The following DIP2B variants were observed in gnomAD, a reference collection of about 807,000 sequenced individuals.
DIP2B encodes disco-interacting protein 2 homolog B.
DIP2B carries 76 observed loss-of-function variants against 198.0 expected under a neutral mutation model. That is an observed-to-expected ratio of 0.38 (90% CI 0.32 to 0.46). DIP2B has a LOEUF of 0.46. DIP2B is among the 20% of genes least tolerant of loss of function. The probability of loss-of-function intolerance (pLI) is 0.99; values close to 1 mark genes in which losing one functional copy is unlikely to be tolerated. For missense variants in DIP2B, 1,559 were observed against 1,978.4 expected (o/e 0.79, Z 4.02); for synonymous variants, 701 against 739.1 (o/e 0.95, Z 0.84).
intron 1 of DIP2B, among the ~76,000 whole-genome samples, chr12:50,529,858 C>G (rs1958199974): frequency 1.4e-5 from 2 of 146,792 alleles, no homozygotes; most frequent in Admixed American, 1.4e-4. Flanking sequence ...GCCTCTGTCT[C>G]AAAAAAAGAA....
intron 23 of DIP2B, among the ~76,000 whole-genome samples, chr12:50,716,150 A>G (rs748246798): frequency 1.3e-5 from 2 of 152,314 alleles, no homozygotes; most frequent in East Asian, 3.9e-4. Context: ...CACAGTTTAC[A>G]TAAATACACT....
intron 23 of DIP2B, among the ~76,000 whole-genome samples, chr12:50,715,203 G>A (rs1303714828): frequency 6.6e-6 from 1 of 152,124 alleles, no homozygotes; most frequent in Non-Finnish European, 1.5e-5. Context: ...TTTTTGCTCT[G>A]GTGTTTTGTC....
Position 50,741,478 on chromosome 12 carries a change from C to T in DIP2B, c.4417C>T (p.Arg1473Ter), listed in dbSNP as rs901956652. The T allele has an allele frequency of 1.2e-6, 2 of 1,614,136 alleles. No individual in the cohort carries two copies. Among genetic ancestry groups the T allele is most frequent in the Non-Finnish European group, 1.7e-6 (2 of 1,180,008 alleles). ...TGAAACACTGGAGCTGAGAGGATTA[C>T]GATACCACCCAATTGATATTGAGAC... ...LDETLELRGL[R>*]YHPIDIETSV... The change falls in exon 37 of 38, where the codon CGA (arginine) becomes TGA (stop). Residue 1473 changes from arginine to a stop codon, truncating the protein, a stop_gained. Transcript: ENST00000301180. LOFTEE classifies it high-confidence loss of function.
At chr12:50,617,557 C>G (rs960687964) in intron 1 of DIP2B, among the ~76,000 whole-genome samples, 20 of 151,892 alleles carry the variant, frequency 1.3e-4, no homozygotes, top group Non-Finnish European at 4.4e-5. Flanking sequence ...GCCTATATTC[C>G]CAGCACTTTG....
chr12:50,584,877 C>G (rs890007407), intron 1 of DIP2B, among the ~76,000 whole-genome samples: 2 of 152,146 alleles, frequency 1.3e-5, no homozygotes, highest in African/African-American at 4.8e-5. Context: ...AATGTTTAAC[C>G]ATATCATCTA....
chr12:50,681,313 G>A (rs1296616390), intron 9 of DIP2B, among the ~76,000 whole-genome samples: 2 of 151,860 alleles, frequency 1.3e-5, no homozygotes, highest in Admixed American at 6.6e-5. Context: ...GCATGCACCT[G>A]TAGTCCCAGC....
chr12:50,608,581 G>A (rs1482389096), intron 1 of DIP2B, among the ~76,000 whole-genome samples: 7 of 149,678 alleles, frequency 4.7e-5, no homozygotes, highest in Non-Finnish European at 8.9e-5. Context: ...AGCTGAGTTC[G>A]TGCCACTACA....
At chr12:50,564,844 G>T (rs1342610860) in intron 1 of DIP2B, among the ~76,000 whole-genome samples, 1 of 152,154 alleles carries the variant, frequency 6.6e-6, no homozygotes, top group Non-Finnish European at 1.5e-5. Context: ...CTGGAAATAT[G>T]AAGATATTCT....
intron 35 of DIP2B, 79 bp from the exon 36 acceptor site, chr12:50,739,330 A>T: frequency 6.7e-7 from 1 of 1,500,116 alleles, no homozygotes; most frequent in African/African-American, 1.4e-5. Flanking sequence ...AGATTTAAAA[A>T]ATCAAAATAA....
intron 1 of DIP2B, among the ~76,000 whole-genome samples, chr12:50,596,036 C>T (rs971902311): frequency 2.6e-5 from 4 of 152,106 alleles, no homozygotes; most frequent in African/African-American, 7.2e-5. Context: ...CATACTTTGC[C>T]AATAGGTGCT....
In DIP2B at chr12:50,720,883, C is replaced by T. The variant is rs564287654; in HGVS notation, c.3043-390C>T. ...TTTTTGAGACAGAATCTCGCTCTGTCGCCCAGGCATTGGCTCAAGTGATCC... is the reference window on the plus strand; with the variant it reads ...TTTTTGAGACAGAATCTCGCTCTGTTGCCCAGGCATTGGCTCAAGTGATCC... On this transcript the variant is annotated intron_variant, in intron 25 of 37. Transcript: ENST00000301180. Among the ~76,000 whole-genome samples, 7 of 152,320 alleles carry T rather than the reference C, an allele frequency of 4.6e-5. No individual in the cohort carries two copies. The East Asian group carries it at 9.6e-4, about 21-fold the overall frequency.
At chr12:50,702,260 G>GGCTTGAACCCGGGAGGTGAAACTT (rs1939431324) in intron 19 of DIP2B, among the ~76,000 whole-genome samples, 1 of 152,020 alleles carries the variant, frequency 6.6e-6, no homozygotes, top group East Asian at 1.9e-4. Context: ...ACAGGAGAAC[G>GGCTTGAACCCGGGAGGTGAAACTT]GCTTGAACCC....
chr12:50,521,352 G>A (rs12300679), intron 1 of DIP2B, among the ~76,000 whole-genome samples: 230 of 151,520 alleles, frequency 1.5e-3, no homozygotes, highest in African/African-American at 5.5e-3. Context: ...TGATCCACCC[G>A]CCTCAGCCTC....
At chr12:50,649,131 T>C (rs1053686937) in intron 3 of DIP2B, among the ~76,000 whole-genome samples, 1 of 152,182 alleles carries the variant, frequency 6.6e-6, no homozygotes, top group Non-Finnish European at 1.5e-5. Flanking sequence ...AGAGATCCCT[T>C]GTTCTTAGGG....
intron 1 of DIP2B, among the ~76,000 whole-genome samples, chr12:50,567,192 A>G (rs1958572363): frequency 6.6e-6 from 1 of 152,186 alleles, no homozygotes; most frequent in Non-Finnish European, 1.5e-5. Context: ...GGAAGTTGCA[A>G]AGATATGTAC....
At chr12:50,539,240 T>TC (rs1163201603) in intron 1 of DIP2B, among the ~76,000 whole-genome samples, 1 of 150,920 alleles carries the variant, frequency 6.6e-6, no homozygotes, top group East Asian at 1.9e-4. Flanking sequence ...TTTTTTCTTT[T>TC]TTTTTTTTTT....
intron 1 of DIP2B, among the ~76,000 whole-genome samples, chr12:50,525,747 A>C (rs908433146): frequency 6.6e-6 from 1 of 152,076 alleles, no homozygotes. Flanking sequence ...TCCTGGGCTC[A>C]AGCCATCCTC....
At chr12:50,657,004 T>C (rs974837964) in intron 3 of DIP2B, 20 of 152,018 alleles carry the variant, frequency 1.3e-4, no homozygotes, top group African/African-American at 3.9e-4. Flanking sequence ...ATACTAAAAT[T>C]GGAACGATAC....
At chr12:50,582,511 A>G (rs1958734979) in intron 1 of DIP2B, among the ~76,000 whole-genome samples, 1 of 152,112 alleles carries the variant, frequency 6.6e-6, no homozygotes, top group South Asian at 2.1e-4. Flanking sequence ...GAAACATTGT[A>G]ATATTAGTTT....
Sources: gnomAD v4.1 joint callset for allele counts (sites outside exome capture counted in the v4.1 genomes callset) on GRCh38, gnomAD v4.1.1 for gene constraint, MANE v1.5 for transcripts, NCBI Gene and HGNC (gene_info 2026-07-23, HGNC 2026-07-21) for gene names.